The following ADGRL2 variants were observed in gnomAD, a reference collection of about 807,000 sequenced individuals.
The protein encoded by ADGRL2 is calcium-independent alpha-latrotoxin receptor 2.
A neutral mutation model predicts 157.4 loss-of-function variants in ADGRL2; 44 were observed. The ratio of observed to expected loss-of-function variants is 0.28; its 90% CI spans 0.22 to 0.36. The LOEUF is 0.36. Among genes scored for constraint, ADGRL2 ranks in the 10% least tolerant of loss-of-function variants. The pLI is 1.00. For synonymous variants in ADGRL2, 585 were observed against 624.7 expected, an observed-to-expected ratio of 0.94 and a Z score of 0.95; for missense variants, 1,510 against 1,768.9, an observed-to-expected ratio of 0.85 and a Z score of 2.63.
At chr1:81,467,875 A>C (rs945083527) in intron 2 of ADGRL2, among the ~76,000 whole-genome samples, 14 of 141,166 alleles carry the variant, frequency 9.9e-5, no homozygotes, top group African/African-American at 3.7e-4. Flanking sequence ...AATGTTATGA[A>C]GTATAAATTA....
chr1:81,535,137 C>G (rs376396912), intron 2 of ADGRL2, among the ~76,000 whole-genome samples: 8 of 152,032 alleles, frequency 5.3e-5, no homozygotes, highest in African/African-American at 1.9e-4. Flanking sequence ...GTGTGTACAA[C>G]GTAGAAAGAG....
rs2078852669 is a variant in ADGRL2, at chr1:81,501,711, T to A, written c.-248+56622T>A. ...CGCACAGGTTTAGACCCAGTGTGCCTGGTGGGCTGTGCCCAGGTTCAGAGT... is the reference window on the plus strand; with the variant it reads ...CGCACAGGTTTAGACCCAGTGTGCCAGGTGGGCTGTGCCCAGGTTCAGAGT... On this transcript the variant is annotated intron_variant, in intron 2 of 24. Transcript: ENST00000370721. 5.6e-6 allele frequency: 9 copies of A among 1,600,566 alleles called. No individual in the cohort carries two copies. In the South Asian group the frequency reaches 9.0e-5, roughly 16 times the overall value.
intron 1 of ADGRL2, among the ~76,000 whole-genome samples, chr1:81,324,854 T>C (rs1660783645): frequency 6.6e-6 from 1 of 151,902 alleles, no homozygotes; most frequent in African/African-American, 2.4e-5. Context: ...GTAGCTGGGA[T>C]TGCAGGCGCC....
intron 3 of ADGRL2, among the ~76,000 whole-genome samples, chr1:81,622,292 G>GT (rs891125401): frequency 2.6e-5 from 4 of 151,874 alleles, no homozygotes; most frequent in South Asian, 2.1e-4. Context: ...TAAAACCTAC[G>GT]TTTTTTTTGG....
At chr1:81,583,390 A>G (rs925765848) in intron 3 of ADGRL2, among the ~76,000 whole-genome samples, 1 of 151,824 alleles carries the variant, frequency 6.6e-6, no homozygotes, top group African/African-American at 2.4e-5. Flanking sequence ...ACAATGAATA[A>G]AAGTTGTTTG....
chr1:81,594,671 C>T (rs2081198075), intron 3 of ADGRL2, among the ~76,000 whole-genome samples: 1 of 152,178 alleles, frequency 6.6e-6, no homozygotes, highest in Admixed American at 6.5e-5. Context: ...AGATTGGTCT[C>T]ACCTATTACG....
intron 1 of ADGRL2, among the ~76,000 whole-genome samples, chr1:81,437,945 T>C: frequency 6.6e-6 from 1 of 152,038 alleles, no homozygotes; most frequent in South Asian, 2.1e-4. Flanking sequence ...CAGCCACAAA[T>C]GCCTACTATT....
chr1:81,555,988 T>C (rs1325923542), intron 2 of ADGRL2, among the ~76,000 whole-genome samples: 1 of 151,222 alleles, frequency 6.6e-6, no homozygotes, highest in Non-Finnish European at 1.5e-5. Context: ...CTGCTCCTAC[T>C]ACATTCCTGA....
chr1:81,412,354 T>C (rs769399802), intron 1 of ADGRL2, among the ~76,000 whole-genome samples: 25 of 152,218 alleles, frequency 1.6e-4, no homozygotes, highest in Non-Finnish European at 3.1e-4. Flanking sequence ...TGAATATAAA[T>C]GAATACCAAT....
chr1:81,367,473 T>C (rs962549804), intron 1 of ADGRL2, among the ~76,000 whole-genome samples: 1 of 152,208 alleles, frequency 6.6e-6, no homozygotes, highest in African/African-American at 2.4e-5. Context: ...ATGTGGTGTT[T>C]GGTTTTCTGT....
intron 2 of ADGRL2, among the ~76,000 whole-genome samples, chr1:81,873,399 A>G (rs1341261): frequency 6.6e-6 from 1 of 152,062 alleles, no homozygotes; most frequent in South Asian, 2.1e-4. Flanking sequence ...TTATTTCTGT[A>G]TGTCTCTAAA....
At chr1:81,870,912 T>C (rs961433438) in intron 2 of ADGRL2, among the ~76,000 whole-genome samples, 3 of 144,342 alleles carry the variant, frequency 2.1e-5, no homozygotes, top group African/African-American at 7.7e-5. Context: ...TAATCTTTCC[T>C]TTTTTTTTTT....
chr1:81,503,265 C>A, intron 2 of ADGRL2: 1 of 1,614,190 alleles, frequency 6.2e-7, no homozygotes, highest in South Asian at 1.1e-5. Context: ...GCATTGGGAG[C>A]GTTAACATGT....
chr1:81,812,492 TTAAAA>T (rs1368756955), intron 1 of ADGRL2, among the ~76,000 whole-genome samples: 5 of 151,846 alleles, frequency 3.3e-5, no homozygotes, highest in African/African-American at 7.2e-5. Context: ...TAAAAATAAC[TTAAAA>T]TATAATAAAG....
At chr1:81,648,148 T>C (rs976676098) in intron 3 of ADGRL2, among the ~76,000 whole-genome samples, 1 of 152,192 alleles carries the variant, frequency 6.6e-6, no homozygotes, top group African/African-American at 2.4e-5. Flanking sequence ...TAAATGCTGG[T>C]TTATATCTGA....
intron 3 of ADGRL2, among the ~76,000 whole-genome samples, chr1:81,617,327 T>G (rs2148696092): frequency 6.6e-6 from 1 of 152,218 alleles, no homozygotes; most frequent in African/African-American, 2.4e-5. Flanking sequence ...CGCAAAACTA[T>G]CCTCCCCACC....
At chr1:81,541,438 T>G (rs2079881374) in intron 2 of ADGRL2, among the ~76,000 whole-genome samples, 1 of 152,158 alleles carries the variant, frequency 6.6e-6, no homozygotes, top group Non-Finnish European at 1.5e-5. Context: ...CAGTGTATGA[T>G]AAGATCTCAC....
intron 2 of ADGRL2, among the ~76,000 whole-genome samples, chr1:81,455,190 G>T (rs1406178840): frequency 1.3e-5 from 2 of 152,160 alleles, no homozygotes; most frequent in Non-Finnish European, 2.9e-5. Flanking sequence ...GTTATTTTGT[G>T]AACTTACTCT....
rs183626036 is a variant in ADGRL2 at position 81,825,749 on chromosome 1, C to T, written c.-100-11136C>T. Among the ~76,000 whole-genome samples the T allele has an allele frequency of 1.1e-3, 146 of 132,802 alleles. 1 individual carries two copies. The highest frequency in any genetic ancestry group is 3.8e-3 in the African/African-American group (142 of 37,818). The allele number at this position is 132,802 out of a possible 152,430, so 87.1% of individuals were successfully genotyped here. A position where few individuals can be genotyped will look rare whatever the true frequency, so the allele number is the denominator to read the frequency against. ...TGTACTTTTGGAGACATTTTAGAAA[C>T]ATTTCTGAGATCAACCTTTGTCAAG... On this transcript the variant is annotated intron_variant, in intron 1 of 23. Transcript: ENST00000686636.
Sources: gnomAD v4.1 joint callset for allele counts (sites outside exome capture counted in the v4.1 genomes callset) on GRCh38, gnomAD v4.1.1 for gene constraint, MANE v1.5 for transcripts, NCBI Gene and HGNC (gene_info 2026-07-23, HGNC 2026-07-21) for gene names.